Variants in BCCIP observed in about 807,000 individuals in gnomAD.
BCCIP encodes the protein BRCA2 and CDKN1A interacting protein, also known as BRCA2 and CDKN1A-interacting protein.
A neutral mutation model predicts 32.8 loss-of-function variants in BCCIP; 23 were observed. The ratio of observed to expected loss-of-function variants is 0.70; its 90% CI spans 0.51 to 0.99. The LOEUF is 0.99. BCCIP is among the 50% of genes least tolerant of loss of function. The probability of loss-of-function intolerance (pLI) is 0.00; values close to 1 mark genes in which losing one functional copy is unlikely to be tolerated. For synonymous variants in BCCIP, 144 were observed against 137.6 expected (o/e 1.05, Z -0.33); for missense variants, 378 against 379.8 (o/e 1.00, Z 0.04).
At chr10:125,846,750 CAG>C (rs1589706485), downstream of BCCIP, among the ~76,000 whole-genome samples, 2 of 152,164 alleles carry the variant, frequency 1.3e-5, no homozygotes, top group African/African-American at 2.4e-5. Context: ...ACCCCAGTCA[CAG>C]GGGACTGGTT....
chr10:125,833,900 A>C lies in BCCIP; in HGVS notation c.728A>C (p.Lys243Thr), dbSNP rs200685759. 1.2e-5 allele frequency: 19 copies of C among 1,614,156 alleles called. No individual in the cohort carries two copies. Among genetic ancestry groups the C allele is most frequent in the Non-Finnish European group, 1.4e-5 (17 of 1,180,058 alleles). Residue 243 changes from lysine to threonine, a missense_variant, in exon 6 of 7, where the codon AAA (lysine) becomes ACA (threonine). Lys to Thr is a moderately conservative substitution (Grantham distance 78). Coordinates refer to ENST00000278100, the MANE Select transcript of BCCIP (RefSeq NM_078468.3). ...AAAAAGAAACCTAGCAACAAAAAGA[A>C]AGCTGCGTTAATGTTTGCAAATGCA... The part of the protein sequence containing the change: ...NSKKKPSNKK[K>T]AALMFANAEE...
intron 1 of BCCIP, among the ~76,000 whole-genome samples, chr10:125,824,046 G>T (rs1270179921): frequency 6.6e-6 from 1 of 152,238 alleles, no homozygotes; most frequent in African/African-American, 2.4e-5. Context: ...CGGGCTCGCA[G>T]AGGGGGCCCT....
Position 125,830,668 on chromosome 10 carries a change from G to T in BCCIP, c.411+17G>T. ...GAAAGAAAGGTTGGTTTCACTGGAT[G>T]GCATCTGAATGGTTATTTCTTAGGC... On this transcript the variant is annotated intron_variant, in intron 4 of 6. Coordinates refer to ENST00000278100, the MANE Select transcript of BCCIP (RefSeq NM_078468.3). The T allele has an allele frequency of 6.6e-7, 1 of 1,507,808 alleles. No individual in the cohort carries two copies. The highest frequency in any genetic ancestry group is 9.1e-7 in the Non-Finnish European group (1 of 1,093,310). 93.4% of individuals were successfully genotyped at this position (1,507,808 alleles called of 1,614,324 possible). A position where few individuals can be genotyped will look rare whatever the true frequency, so the allele number is the denominator to read the frequency against.
intron 1 of BCCIP, among the ~76,000 whole-genome samples, chr10:125,824,005 G>A (rs1044113101): frequency 1.2e-4 from 18 of 152,148 alleles, no homozygotes; most frequent in Admixed American, 9.8e-4. Flanking sequence ...TAGTTCTCAG[G>A]CTGAAGCCTC....
intron 7 of BCCIP, among the ~76,000 whole-genome samples, chr10:125,851,889 C>A (rs1212417780): frequency 7.0e-6 from 1 of 143,596 alleles, no homozygotes; most frequent in Non-Finnish European, 1.5e-5. Context: ...CCACTGTACT[C>A]CAGTTTGAGC....
intron 1 of BCCIP, chr10:125,826,221 G>A (rs1240016390): frequency 4.4e-5 from 11 of 251,594 alleles, no homozygotes; most frequent in Middle Eastern, 1.3e-3. Flanking sequence ...ACAGTGCTTG[G>A]TACCTGGATT....
intron 7 of BCCIP, among the ~76,000 whole-genome samples, chr10:125,848,541 G>A (rs1158839714): frequency 6.6e-6 from 1 of 152,168 alleles, no homozygotes; most frequent in Non-Finnish European, 1.5e-5. Flanking sequence ...GTTGAACCTG[G>A]CACCTGGCAT....
Position 125,823,578 on chromosome 10 carries a change from G to A in BCCIP, c.21G>A (p.Arg7=). 6.2e-7 allele frequency: 1 copy of A among 1,613,982 alleles called. No individual in the cohort carries two copies. Reference sequence around the variant, plus strand: ...GCAACATGGCGTCCAGGTCTAAGCGGCGTGCCGTGGAAAGTGGGGTTCCGC... The same window carrying A: ...GCAACATGGCGTCCAGGTCTAAGCGACGTGCCGTGGAAAGTGGGGTTCCGC... MASRSK[R]RAVESGVPQP... The change falls in exon 1 of 7, where the codon CGG becomes CGA. Residue 7 remains arginine (R), a synonymous_variant. Coordinates refer to ENST00000278100, the MANE Select transcript of BCCIP (RefSeq NM_078468.3).
In BCCIP at chr10:125,830,624, A is replaced by C; in HGVS notation, c.384A>C (p.Ile128=). The C allele has an allele frequency of 6.2e-7, 1 of 1,608,376 alleles. No homozygotes were observed. Among genetic ancestry groups the C allele is most frequent in the East Asian group, 2.2e-5 (1 of 44,774 alleles). ...ATGAAGATGAGGTTTTTGGTTTCAT[A>C]AGCCTTTTAAATTTAACTGAAAGAA... ...DMDEDEVFGF[I]SLLNLTERKG... The change falls in exon 4 of 7, where the codon ATA becomes ATC. Residue 128 remains isoleucine, a synonymous_variant. Transcript: ENST00000278100.
At position 125,823,672 on chromosome 10, in the gene BCCIP, G is replaced by T. The variant is rs765972073; in HGVS notation, c.115G>T (p.Asp39Tyr). The T allele has an allele frequency of 1.2e-6, 2 of 1,614,110 alleles. No individual in the cohort carries two copies. The highest frequency in any genetic ancestry group is 2.2e-5 in the South Asian group (2 of 91,080). ...AGAAGTCGAAAATGAGGATGAAGAC[G>T]ATGATGACAGTGACAAGGAAAAGGA... ...EKEVENEDEDDDDSDKEKDEE... is the reference protein window; with the variant it reads ...EKEVENEDEDYDDSDKEKDEE... Residue 39 changes from aspartate to tyrosine, a missense_variant, in exon 1 of 7, where the codon GAT becomes TAT. By Grantham distance (160) the Asp-to-Tyr change is radical. Coordinates refer to ENST00000278100, the MANE Select transcript of BCCIP (RefSeq NM_078468.3).
chr10:125,835,303 G>A (rs1293048258), intron 6 of BCCIP, among the ~76,000 whole-genome samples: 1 of 150,962 alleles, frequency 6.6e-6, no homozygotes, highest in Non-Finnish European at 1.5e-5. Context: ...AACATAGGCC[G>A]GGTGCGGTGG....
intron 3 of BCCIP, among the ~76,000 whole-genome samples, chr10:125,829,807 A>G (rs891600566): frequency 6.6e-6 from 1 of 152,216 alleles, no homozygotes; most frequent in African/African-American, 2.4e-5. Flanking sequence ...TTTATCCTTG[A>G]AAGAGGTTAT....
chr10:125,852,615 A>G, intron 7 of BCCIP: 3 of 1,612,340 alleles, frequency 1.9e-6, no homozygotes, highest in Non-Finnish European at 2.5e-6. Flanking sequence ...ATGACGAGCG[A>G]GTTTGCTCTT....
At chr10:125,829,112 A>C (rs1854469573) in intron 3 of BCCIP, among the ~76,000 whole-genome samples, 1 of 152,192 alleles carries the variant, frequency 6.6e-6, no homozygotes, top group Non-Finnish European at 1.5e-5. Context: ...AAAAGTACCT[A>C]GGTCACTTTG....
chr10:125,846,796 C>A (rs1405508214), downstream of BCCIP, among the ~76,000 whole-genome samples: 1 of 152,156 alleles, frequency 6.6e-6, no homozygotes, highest in African/African-American at 2.4e-5. Flanking sequence ...GAATCAATGG[C>A]TCCCTTTCTT....
chr10:125,831,827 A>C (rs968809261), intron 5 of BCCIP, among the ~76,000 whole-genome samples: 1 of 152,214 alleles, frequency 6.6e-6, no homozygotes, highest in Non-Finnish European at 1.5e-5. Context: ...TTTTAACTTA[A>C]GATTTAAGTG....
chr10:125,833,108 AGT>A (rs1854563929), intron 5 of BCCIP, among the ~76,000 whole-genome samples: 2 of 151,204 alleles, frequency 1.3e-5, no homozygotes, highest in Admixed American at 1.3e-4. Context: ...TGGGCAACAG[AGT>A]GAGATTTTGT....
chr10:125,841,647 C>T, exon 7 of BCCIP: 1 of 1,514,758 alleles, frequency 6.6e-7, no homozygotes, highest in Non-Finnish European at 8.8e-7. Context: ...TATCTCTGCT[C>T]TGTGCTCCTC....
Position 125,833,922 on chromosome 10 carries a change from T to G in BCCIP, c.750T>G (p.Asn250Lys). The stretch of plus-strand genomic sequence containing the variant: ...AGAAAGCTGCGTTAATGTTTGCAAA[T>G]GCAGAGGAAGAATTTTTCTATGAGG... Reference protein sequence around the residue: ...NKKKAALMFANAEEEFFYEKA... With the variant: ...NKKKAALMFAKAEEEFFYEKA... The change falls in exon 6 of 7, where the codon AAT becomes AAG. Residue 250 changes from asparagine (N) to lysine (K), a missense_variant. Physicochemically the swap from Asn to Lys is moderately conservative, Grantham distance 94. Transcript: ENST00000278100. 6.2e-7 allele frequency: 1 copy of G among 1,614,230 alleles called. No individual in the cohort carries two copies. Among genetic ancestry groups the G allele is most frequent in the Non-Finnish European group, 8.5e-7 (1 of 1,180,042 alleles).
Sources: gnomAD v4.1 joint callset for allele counts (sites outside exome capture counted in the v4.1 genomes callset) on GRCh38, gnomAD v4.1.1 for gene constraint, MANE v1.5 for transcripts, NCBI Gene and HGNC (gene_info 2026-07-23, HGNC 2026-07-21) for gene names.